TBXAS1: variants seen among roughly 807,000 people sequenced by gnomAD.
TBXAS1 encodes thromboxane A synthase 1, also known as thromboxane-A synthase.
Under a neutral mutation model 60.7 loss-of-function variants are expected in TBXAS1, and 48 were observed. The ratio of observed to expected loss-of-function variants is 0.79; its 90% CI spans 0.63 to 1.01. TBXAS1 has a LOEUF of 1.01. Among genes scored for constraint, TBXAS1 ranks in the 50% least tolerant of loss-of-function variants. The pLI, the probability that TBXAS1 is intolerant of heterozygous loss-of-function variation, is 0.00. For synonymous variants in TBXAS1, 287 were observed against 269.7 expected (o/e 1.06, Z -0.63); for missense variants, 685 against 686.3 (o/e 1.00, Z 0.02).
chr7:139,959,420 G>A (rs531729806), intron 8 of TBXAS1, among the ~76,000 whole-genome samples: 5 of 152,256 alleles, frequency 3.3e-5, no homozygotes, highest in South Asian at 2.1e-4. Context: ...ATCAGGGTGC[G>A]TATTTTCCTT....
chr7:139,950,037 A>ATTT (rs3082651), intron 5 of TBXAS1, among the ~76,000 whole-genome samples: 20 of 103,556 alleles, frequency 1.9e-4, no homozygotes, highest in Non-Finnish European at 2.7e-4. Flanking sequence ...AGGTGATGGG[A>ATTT]TTTTTTTTTT....
In TBXAS1 at chr7:139,962,000, A is replaced by C; in HGVS notation, c.901A>C (p.Arg301=). The C allele has an allele frequency of 6.2e-7, 1 of 1,614,258 alleles. No homozygotes were observed. Among genetic ancestry groups the C allele is most frequent in the Non-Finnish European group, 8.5e-7 (1 of 1,180,044 alleles). ...PMGVQDFDIV[R]DVFSSTGCKP... ...GGGCGTGCAAGACTTTGACATCGTCAGAGACGTTTTCTCCTCTACTGGGTG... is the reference window on the plus strand; with the variant it reads ...GGGCGTGCAAGACTTTGACATCGTCCGAGACGTTTTCTCCTCTACTGGGTG... Residue 301 remains arginine (R), a synonymous_variant, in exon 9 of 13, where the codon AGA becomes CGA. Coordinates refer to ENST00000448866, the MANE Select transcript of TBXAS1 (RefSeq NM_001061.7).
chr7:139,910,244 A>G (rs541032285), intron 3 of TBXAS1, among the ~76,000 whole-genome samples: 5 of 152,324 alleles, frequency 3.3e-5, no homozygotes, highest in Admixed American at 2.0e-4. Context: ...TTGTAAGTAT[A>G]ATATGACATG....
chr7:139,931,112 C>A (rs1807294147), intron 4 of TBXAS1, among the ~76,000 whole-genome samples: 4 of 152,162 alleles, frequency 2.6e-5, no homozygotes, highest in Non-Finnish European at 5.9e-5. Context: ...TGCATACACA[C>A]ACACACATAT....
intron 4 of TBXAS1, among the ~76,000 whole-genome samples, chr7:139,801,418 A>T (rs1180764702): frequency 2.0e-5 from 3 of 151,644 alleles, no homozygotes. Flanking sequence ...GATTTCTATC[A>T]CCTGTCTTTC....
intron 12 of TBXAS1, 133 bp downstream of exon 12, chr7:140,017,966 C>T: frequency 8.7e-7 from 1 of 1,151,028 alleles, no homozygotes; most frequent in Non-Finnish European, 1.3e-6. Context: ...GCTCCTTAAC[C>T]TCTCTCGGCC....
intron 5 of TBXAS1, among the ~76,000 whole-genome samples, chr7:139,951,002 A>G (rs1017333318): frequency 3.9e-5 from 6 of 152,174 alleles, no homozygotes; most frequent in Non-Finnish European, 7.4e-5. Context: ...GAGGGGTCCT[A>G]TAAAATTTCA....
intron 9 of TBXAS1, among the ~76,000 whole-genome samples, chr7:139,977,997 G>A (rs1811683256): frequency 6.6e-6 from 1 of 152,080 alleles, no homozygotes; most frequent in South Asian, 2.1e-4. Flanking sequence ...GTTGTTTCTG[G>A]GCTTGATTCA....
chr7:139,913,013 G>T (rs1805658427), intron 4 of TBXAS1: 1 of 675,230 alleles, frequency 1.5e-6, no homozygotes, highest in East Asian at 2.7e-5. Flanking sequence ...AGGATGTCAA[G>T]GTTGAGTGGA....
rs1298363802 is a variant in TBXAS1, at chr7:139,936,440, C to CAGA, written c.450+134_450+136dup. 2.8e-5 allele frequency: 25 copies of CAGA among 892,654 alleles called. No individual in the cohort carries two copies. In the African/African-American group the frequency reaches 3.3e-4, roughly 12 times the overall value. The allele number at this position is 892,654 out of a possible 1,614,324, so 55.3% of individuals were successfully genotyped here. A position where few individuals can be genotyped will look rare whatever the true frequency, so the allele number is the denominator to read the frequency against. ...AAAATGCCTTTCCCACTGGGACCTT[C>CAGA]AGACCTCTCTGTTATGCAGAAAGCA... On this transcript the variant is annotated intron_variant, in intron 5 of 12. Coordinates refer to ENST00000448866, the MANE Select transcript of TBXAS1 (RefSeq NM_001061.7).
At chr7:139,785,923 A>G (rs532505045) in intron 3 of TBXAS1, among the ~76,000 whole-genome samples, 1 of 150,794 alleles carries the variant, frequency 6.6e-6, no homozygotes, top group South Asian at 2.1e-4. Flanking sequence ...TTCACATGCT[A>G]TTTCCTTCAT....
At chr7:139,784,812 G>A (rs553733090) in intron 3 of TBXAS1, among the ~76,000 whole-genome samples, 1 of 152,194 alleles carries the variant, frequency 6.6e-6, no homozygotes, top group Admixed American at 6.5e-5. Flanking sequence ...CCAGGTGGGT[G>A]TACAGGACTG....
intron 9 of TBXAS1, among the ~76,000 whole-genome samples, chr7:139,988,072 A>T (rs955784012): frequency 6.6e-6 from 1 of 152,264 alleles, no homozygotes; most frequent in African/African-American, 2.4e-5. Context: ...CAGCCCAAAG[A>T]GGCCTGTCCC....
intron 3 of TBXAS1, among the ~76,000 whole-genome samples, chr7:139,907,865 C>G (rs2117033742): frequency 6.6e-6 from 1 of 152,154 alleles, no homozygotes; most frequent in Admixed American, 6.5e-5. Context: ...AGATTGCCCA[C>G]TTCATCTTGA....
chr7:139,933,572 G>C (rs1226988358), intron 4 of TBXAS1, among the ~76,000 whole-genome samples: 1 of 152,098 alleles, frequency 6.6e-6, no homozygotes, highest in Non-Finnish European at 1.5e-5. Context: ...TAAATATAGA[G>C]AGGTATTCCT....
chr7:139,872,192 G>T, intron 1 of TBXAS1, 43 bp from the exon 2 acceptor site: 5 of 1,558,314 alleles, frequency 3.2e-6, no homozygotes, highest in Admixed American at 1.7e-5. Flanking sequence ...AAGCATGAGT[G>T]CAACTTCATT....
chr7:139,835,444 T>C (rs1798996124), intron 1 of TBXAS1, among the ~76,000 whole-genome samples: 2 of 152,148 alleles, frequency 1.3e-5, no homozygotes, highest in Admixed American at 1.3e-4. Context: ...CATGATCAAG[T>C]TGGTTTCATA....
chr7:140,015,945 C>T, intron 11 of TBXAS1, 85 bp downstream of exon 11: 2 of 1,591,932 alleles, frequency 1.3e-6, no homozygotes, highest in Non-Finnish European at 1.7e-6. Flanking sequence ...AGCCGGGAGG[C>T]ACAGACTTAG....
intron 1 of TBXAS1, among the ~76,000 whole-genome samples, chr7:139,867,649 C>T (rs972239931): frequency 6.6e-6 from 1 of 151,110 alleles, no homozygotes; most frequent in Non-Finnish European, 1.5e-5. Flanking sequence ...GGTGAAACCC[C>T]GTCTCTACTA....
Sources: allele counts gnomAD v4.1 joint callset (sites outside exome capture counted in the v4.1 genomes callset), GRCh38; gene constraint gnomAD v4.1.1; transcripts MANE v1.5; gene names NCBI Gene and HGNC (gene_info 2026-07-23, HGNC 2026-07-21).